The following PRIM2 variants were observed in gnomAD, a reference collection of about 807,000 sequenced individuals.
The protein encoded by PRIM2 is DNA primase large subunit.
PRIM2 carries 39 observed loss-of-function variants against 67.3 expected under a neutral mutation model. The observed-to-expected ratio is 0.58, with a 90% CI of 0.45 to 0.76. The LOEUF (loss-of-function observed/expected upper bound fraction) is 0.76. Ranked by LOEUF, PRIM2 falls within the 30% of genes least tolerant of loss-of-function variation. The pLI, the probability that PRIM2 is intolerant of heterozygous loss-of-function variation, is 0.00. For missense variants in PRIM2, 398 were observed against 598.7 expected (o/e 0.66, Z 3.50); for synonymous variants, 143 against 198.7 (o/e 0.72, Z 2.36).
chr6:57,415,600 T>C (rs571095957), intron 7 of PRIM2, among the ~76,000 whole-genome samples: 1 of 152,210 alleles, frequency 6.6e-6, no homozygotes, highest in African/African-American at 2.4e-5. Flanking sequence ...AAGGTTGGAG[T>C]GTCTGTGGCA....
intron 5 of PRIM2, among the ~76,000 whole-genome samples, chr6:57,354,710 A>G (rs900235066): frequency 1.3e-5 from 2 of 152,250 alleles, no homozygotes; most frequent in African/African-American, 4.8e-5. Context: ...AAGGAATAAC[A>G]AATACCAGTA....
chr6:57,251,774 C>T, the PRIM2 span, among the ~76,000 whole-genome samples: 2 of 152,170 alleles, frequency 1.3e-5, no homozygotes, highest in African/African-American at 4.8e-5. Flanking sequence ...TTATTTCCCA[C>T]AAGCTTTATT....
intron 7 of PRIM2, among the ~76,000 whole-genome samples, chr6:57,498,466 A>T (rs1774055595): frequency 6.6e-6 from 1 of 152,260 alleles, no homozygotes; most frequent in South Asian, 2.1e-4. Flanking sequence ...TCTCTTTGTC[A>T]TTTGTAAGTA....
chr6:57,310,487 C>A (rs866281433), upstream of PRIM2, among the ~76,000 whole-genome samples: 2 of 152,260 alleles, frequency 1.3e-5, no homozygotes, highest in Non-Finnish European at 2.9e-5. Context: ...ATCTCTCTTT[C>A]TTTTCCCCGC....
At chr6:57,223,602 A>G in the PRIM2 span, among the ~76,000 whole-genome samples, 1 of 152,326 alleles carries the variant, frequency 6.6e-6, no homozygotes, top group East Asian at 1.9e-4. Flanking sequence ...AAACTTGAGT[A>G]ACGTACTGAT....
rs1283385771 is a variant in PRIM2, at chr6:57,607,304, T to G, written c.1230+847T>G. ...TTTAGTACTTTGAGCAAAGCAGTGT[T>G]CAAGGTGCCATAGAGTATGCAAGGA... is the stretch of plus-strand genomic sequence containing the variant. On this transcript the variant is annotated intron_variant, in intron 12 of 13. Transcript: ENST00000615550. Among the ~76,000 whole-genome samples, 740 of 152,206 alleles carry G rather than the reference T, an allele frequency of 4.9e-3. 5 individuals are homozygous for G. Among genetic ancestry groups the G allele is most frequent in the African/African-American group, 0.017 (712 of 41,510 alleles).
Position 57,605,167 on chromosome 6 carries a change from G to A in PRIM2, c.1148-1208G>A, listed in dbSNP as rs1392613249. Among the ~76,000 whole-genome samples the A allele has an allele frequency of 1.4e-3, 212 of 152,276 alleles. 5 individuals are homozygous for A. The East Asian group carries it at 0.019, about 14-fold the overall frequency. On this transcript the variant is annotated intron_variant, in intron 11 of 13. Coordinates refer to ENST00000615550, the MANE Select transcript of PRIM2 (RefSeq NM_000947.5). ...GCTTTTTGATGTGCTGCTGGATTCA[G>A]TTTGCTAGTATTTTGTTGAGGATTT...
intron 7 of PRIM2, among the ~76,000 whole-genome samples, chr6:57,444,594 A>G (rs1255887323): frequency 2.0e-5 from 3 of 151,652 alleles, no homozygotes; most frequent in Non-Finnish European, 2.9e-5. Context: ...TTATGGTATT[A>G]TAATGTCTAT....
the PRIM2 span, among the ~76,000 whole-genome samples, chr6:57,297,263 G>A: frequency 6.6e-6 from 1 of 152,088 alleles, no homozygotes; most frequent in South Asian, 2.1e-4. Context: ...CTAACATGGC[G>A]AAACCCTGCC....
chr6:57,443,748 A>G (rs866505495), intron 7 of PRIM2, among the ~76,000 whole-genome samples: 1 of 152,042 alleles, frequency 6.6e-6, no homozygotes, highest in Non-Finnish European at 1.5e-5. Context: ...TTGGCTGTGT[A>G]GAAGCTTTTT....
intron 7 of PRIM2, among the ~76,000 whole-genome samples, chr6:57,438,201 A>G (rs760550483): frequency 6.6e-6 from 1 of 152,234 alleles, no homozygotes; most frequent in South Asian, 2.1e-4. Flanking sequence ...AACCTCATAA[A>G]TGTAAAATTC....
the PRIM2 span, among the ~76,000 whole-genome samples, chr6:57,281,434 C>T: frequency 1.3e-5 from 2 of 152,124 alleles, no homozygotes; most frequent in Non-Finnish European, 1.5e-5. Context: ...TGAGGGTTCC[C>T]GTTTCTCCAC....
chr6:57,228,570 G>T, the PRIM2 span, among the ~76,000 whole-genome samples: 303 of 152,288 alleles, frequency 2.0e-3, 1 homozygote, highest in African/African-American at 6.9e-3. Flanking sequence ...ATTTAAAGAT[G>T]AGACATGTGC....
intron 7 of PRIM2, among the ~76,000 whole-genome samples, chr6:57,453,912 T>C (rs1350071002): frequency 6.6e-6 from 1 of 152,190 alleles, no homozygotes; most frequent in Non-Finnish European, 1.5e-5. Context: ...AGTATGATAT[T>C]GGCTGTGGGT....
At chr6:57,229,188 C>G in the PRIM2 span, among the ~76,000 whole-genome samples, 1 of 152,160 alleles carries the variant, frequency 6.6e-6, no homozygotes, top group African/African-American at 2.4e-5. Context: ...CTAACCCATT[C>G]TATTTTCTTT....
chr6:57,516,573 C>T (rs1243366152), intron 8 of PRIM2, among the ~76,000 whole-genome samples: 1 of 152,208 alleles, frequency 6.6e-6, no homozygotes, highest in South Asian at 2.1e-4. Context: ...AAAACTCTTT[C>T]CTGTCTTATC....
Position 57,439,012 on chromosome 6 carries a change from T to C in PRIM2, c.693+56844T>C, listed in dbSNP as rs571277619. Among the ~76,000 whole-genome samples the C allele has an allele frequency of 3.3e-5, 5 of 152,240 alleles. No individual in the cohort carries two copies. In the East Asian group the frequency reaches 9.7e-4, roughly 29 times the overall value. On this transcript the variant is annotated intron_variant, in intron 7 of 13. Coordinates refer to ENST00000615550, the MANE Select transcript of PRIM2 (RefSeq NM_000947.5). ...AGTGGGCCACCGTGCCTGTTCCTAG[T>C]GTTTGAGCTTTTTAAGGAAATGTTG...
intron 5 of PRIM2, among the ~76,000 whole-genome samples, chr6:57,370,577 CCATGAAACAGGAAGTGA>C (rs1769513686): frequency 1.3e-5 from 2 of 151,780 alleles, no homozygotes; most frequent in Admixed American, 6.6e-5. Context: ...TACTCATAGG[CCATGAAACAGGAAGTGA>C]CATGAAATTT....
chr6:57,496,341 T>C (rs1234848720), intron 7 of PRIM2, among the ~76,000 whole-genome samples: 5 of 152,316 alleles, frequency 3.3e-5, no homozygotes, highest in African/African-American at 9.6e-5. Context: ...GCAGGTTATA[T>C]GTCTGGAAAT....
Sources: allele counts gnomAD v4.1 joint callset (sites outside exome capture counted in the v4.1 genomes callset), GRCh38; gene constraint gnomAD v4.1.1; transcripts MANE v1.5; gene names NCBI Gene and HGNC (gene_info 2026-07-23, HGNC 2026-07-21).